Variants in APBA2 observed in about 807,000 individuals in gnomAD.
The protein encoded by APBA2 is amyloid beta precursor protein binding family A member 2.
APBA2 carries 30 observed loss-of-function variants against 75.0 expected under a neutral mutation model. The ratio of observed to expected loss-of-function variants is 0.40; its 90% CI spans 0.30 to 0.54. The LOEUF is 0.54. Among genes scored for constraint, APBA2 ranks in the 20% least tolerant of loss-of-function variants. APBA2 has a pLI of 0.49. For missense variants in APBA2, 801 were observed against 1,016.1 expected (o/e 0.79, Z 2.88); for synonymous variants, 444 against 409.6 (o/e 1.08, Z -1.01).
intron 6 of APBA2, 98 bp from the exon 7 acceptor site, chr15:29,092,977 C>T: frequency 1.3e-6 from 2 of 1,524,074 alleles, no homozygotes; most frequent in African/African-American, 1.4e-5. Flanking sequence ...TGCCCCGCAT[C>T]CTGGCTGCCG....
At chr15:28,965,210 C>T (rs960195072) in intron 2 of APBA2, among the ~76,000 whole-genome samples, 3 of 152,046 alleles carry the variant, frequency 2.0e-5, no homozygotes, top group Non-Finnish European at 4.4e-5. Flanking sequence ...AATACTCCAG[C>T]GCCATTAATT....
At chr15:29,021,550 C>T (rs148777022) in intron 3 of APBA2, among the ~76,000 whole-genome samples, 37 of 152,214 alleles carry the variant, frequency 2.4e-4, no homozygotes, top group African/African-American at 8.7e-4. Context: ...GCGAAGCCAA[C>T]CCCCATGAAA....
At chr15:28,902,238 A>G (rs1490332166) in intron 1 of APBA2, among the ~76,000 whole-genome samples, 3 of 152,108 alleles carry the variant, frequency 2.0e-5, no homozygotes, top group Admixed American at 2.0e-4. Flanking sequence ...TGGGTGGCAC[A>G]TGCCCTGGGT....
intron 2 of APBA2, among the ~76,000 whole-genome samples, chr15:28,954,423 C>G (rs1053334512): frequency 3.9e-5 from 6 of 152,196 alleles, no homozygotes; most frequent in Admixed American, 3.9e-4. Context: ...CTGCAAAATC[C>G]TGCCTGGCTA....
At chr15:29,043,063 T>C (rs2041132713) in intron 3 of APBA2, among the ~76,000 whole-genome samples, 1 of 152,150 alleles carries the variant, frequency 6.6e-6, no homozygotes, top group Non-Finnish European at 1.5e-5. Context: ...GACTTCTTAC[T>C]GTTAGACGTA....
chr15:28,933,567 G>C (rs75454491), intron 2 of APBA2, among the ~76,000 whole-genome samples: 4,800 of 152,262 alleles, frequency 0.032, 253 homozygotes, highest in African/African-American at 0.11. Context: ...GAGAGTGTGG[G>C]GCTCACAGTC....
chr15:29,109,941 G>C (rs1049309453), intron 13 of APBA2, among the ~76,000 whole-genome samples: 1 of 149,352 alleles, frequency 6.7e-6, no homozygotes, highest in African/African-American at 2.6e-5. Context: ...ACCCCACTTG[G>C]GACTTCAGGA....
In APBA2 at chr15:28,918,014, C is replaced by T. The variant is rs2033765082; in HGVS notation, c.-204-3626C>T. Among the ~76,000 whole-genome samples, 1 of 152,238 alleles carries T rather than the reference C, an allele frequency of 6.6e-6. No individual in the cohort carries two copies. Among genetic ancestry groups the T allele is most frequent in the Non-Finnish European group, 1.5e-5 (1 of 68,044 alleles). ...TCAGCTGCCTGCTGCTTAGATGCCA[C>T]TGTGGGGCAAGGAAGCTGCCCCCAG... On this transcript the variant is annotated intron_variant, in intron 1 of 14. Coordinates refer to ENST00000683413, the MANE Select transcript of APBA2 (RefSeq NM_001353788.2). The surrounding 1 kb of genome is among the most constrained non-coding windows in gnomAD (Gnocchi z 4.2).
chr15:28,907,895 A>G (rs1248573281), intron 1 of APBA2, among the ~76,000 whole-genome samples: 1 of 152,350 alleles, frequency 6.6e-6, no homozygotes, highest in Non-Finnish European at 1.5e-5. Flanking sequence ...GGCCTGCCCA[A>G]GTTTCAGAAA....
At chr15:29,005,190 T>C (rs2039049608) in intron 3 of APBA2, among the ~76,000 whole-genome samples, 1 of 152,224 alleles carries the variant, frequency 6.6e-6, no homozygotes, top group Non-Finnish European at 1.5e-5. Context: ...ACTGTCTCTG[T>C]GTTACCCTGA....
At chr15:29,000,762 T>C (rs1273019100) in intron 3 of APBA2, among the ~76,000 whole-genome samples, 1 of 152,078 alleles carries the variant, frequency 6.6e-6, no homozygotes, top group African/African-American at 2.4e-5. Context: ...AGCTTATTTT[T>C]ATGTATTGTT....
chr15:29,080,982 C>G (rs1035981916), intron 6 of APBA2, among the ~76,000 whole-genome samples: 1 of 152,180 alleles, frequency 6.6e-6, no homozygotes, highest in Non-Finnish European at 1.5e-5. Flanking sequence ...GTCCTGGGGT[C>G]CTTTACAGCC....
intron 6 of APBA2, among the ~76,000 whole-genome samples, 198 bp from the exon 7 acceptor site, chr15:29,092,877 C>T (rs1034589230): frequency 1.3e-5 from 2 of 152,198 alleles, no homozygotes; most frequent in South Asian, 2.1e-4. Context: ...GTGTTGATTT[C>T]GCGCAGTTAC....
At chr15:28,980,167 T>C (rs2037547394) in intron 2 of APBA2, among the ~76,000 whole-genome samples, 1 of 152,136 alleles carries the variant, frequency 6.6e-6, no homozygotes, top group African/African-American at 2.4e-5. Flanking sequence ...AAAGATCTGA[T>C]TGAATTTAAT....
At chr15:29,038,105 A>G (rs1005972540) in intron 3 of APBA2, among the ~76,000 whole-genome samples, 2 of 152,156 alleles carry the variant, frequency 1.3e-5, no homozygotes, top group Non-Finnish European at 2.9e-5. Flanking sequence ...TTTGCCCCCC[A>G]GGACTCTGTA....
intron 11 of APBA2, 30 bp downstream of exon 11, chr15:29,105,588 C>T (rs1464032876): frequency 1.9e-6 from 3 of 1,610,616 alleles, no homozygotes; most frequent in African/African-American, 1.3e-5. Context: ...CTCAGGGAGG[C>T]CACATTTGCC....
intron 3 of APBA2, among the ~76,000 whole-genome samples, chr15:29,029,976 G>C (rs2040405130): frequency 6.6e-6 from 1 of 152,188 alleles, no homozygotes. Context: ...GGTTTGTCGA[G>C]GGAGTCCAGA....
rs376209334 is a variant in APBA2 at position 29,117,176 on chromosome 15, C to T, written c.*43C>T. On this transcript the variant is annotated 3_prime_UTR_variant, in exon 15 of 15. Coordinates refer to ENST00000683413, the MANE Select transcript of APBA2 (RefSeq NM_001353788.2). ...ACGCAGCCAGGACACCGGGCAGGGC[C>T]GCCCGGGCCCAGAGGAGCTGGGAGC... is the stretch of plus-strand genomic sequence containing the variant. 5.0e-5 allele frequency: 79 copies of T among 1,590,726 alleles called. No homozygotes were observed. The African/African-American group carries it at 5.6e-4, about 11-fold the overall frequency.
In APBA2 at chr15:28,952,601, T is replaced by C. The variant is rs750367619; in HGVS notation, c.-95+30852T>C. On this transcript the variant is annotated intron_variant, in intron 2 of 14. Transcript: ENST00000683413. ...TGTACAAATATGATTCAGCCTTCCA[T>C]GAGCATGCCTCCCCAGCCACCCCTG... 1.1e-4 allele frequency among the ~76,000 whole-genome samples: 16 copies of C among 152,218 alleles called. 1 individual carries two copies. Among genetic ancestry groups the C allele is most frequent in the Non-Finnish European group, 1.6e-4 (11 of 68,040 alleles).
Sources: gnomAD v4.1 joint callset for allele counts (sites outside exome capture counted in the v4.1 genomes callset) on GRCh38, gnomAD v4.1.1 for gene constraint, Gnocchi (gnomAD v3.1) non-coding constraint, MANE v1.5 for transcripts, NCBI Gene and HGNC (gene_info 2026-07-23, HGNC 2026-07-21) for gene names.